Variants in CREM observed in about 807,000 individuals in gnomAD.
CREM encodes cAMP responsive element modulator.
In CREM, 13 loss-of-function variants were observed where a neutral mutation model predicts 37.3. The observed-to-expected ratio is 0.35, with a 90% confidence interval of 0.23 to 0.55. The LOEUF is 0.55. CREM is among the 20% of genes least tolerant of loss of function. The pLI is 0.88. For missense variants in CREM, 296 were observed against 362.3 expected, an observed-to-expected ratio of 0.82 and a Z score of 1.49; for synonymous variants, 124 against 120.2, an observed-to-expected ratio of 1.03 and a Z score of -0.21.
chr10:35,134,337 C>T (rs1366814250), intron 1 of CREM, among the ~76,000 whole-genome samples: 1 of 152,232 alleles, frequency 6.6e-6, no homozygotes, highest in Non-Finnish European at 1.5e-5. Flanking sequence ...CTGCCTCACC[C>T]TCCCAAGGAG....
At chr10:35,137,391 A>G (rs1030709302) in intron 1 of CREM, among the ~76,000 whole-genome samples, 10 of 152,326 alleles carry the variant, frequency 6.6e-5, no homozygotes, top group African/African-American at 2.2e-4. Flanking sequence ...CATTAATTTT[A>G]TTAAGTGATC....
intron 6 of CREM, among the ~76,000 whole-genome samples, chr10:35,205,279 C>T (rs763051390): frequency 1.4e-4 from 21 of 152,260 alleles, no homozygotes; most frequent in Admixed American, 6.5e-4. Flanking sequence ...AAATATTAAA[C>T]GCTGTATTTT....
chr10:35,139,948 A>G (rs2091203169), intron 2 of CREM, among the ~76,000 whole-genome samples: 2 of 152,290 alleles, frequency 1.3e-5, no homozygotes. Context: ...TGCTTGACCC[A>G]TGTTGAGCAC....
At position 35,131,567 on chromosome 10, in the gene CREM, A is replaced by G. The variant is rs147050156; in HGVS notation, c.-55+4374A>G. On this transcript the variant is annotated intron_variant, in intron 1 of 7. Coordinates refer to ENST00000685392, the MANE Select transcript of CREM (RefSeq NM_183011.2). ...AACTGTATCACACATAAAGACCCAC[A>G]TTACTGAATATGGGTGCTTGGAATG... Among the ~76,000 whole-genome samples the G allele has an allele frequency of 2.4e-3, 365 of 152,334 alleles. 1 individual carries two copies. Among genetic ancestry groups the G allele is most frequent in the South Asian group, 7.0e-3 (34 of 4,832 alleles).
chr10:35,165,918 C>A (rs924152194), intron 3 of CREM, among the ~76,000 whole-genome samples: 2 of 151,986 alleles, frequency 1.3e-5, no homozygotes, highest in Non-Finnish European at 2.9e-5. Context: ...ATTATTTAAA[C>A]CCTTCTGGAT....
chr10:35,194,901 CATT>C (rs113909710), intron 6 of CREM, among the ~76,000 whole-genome samples: 28,933 of 149,518 alleles, frequency 0.19, 2,827 homozygotes, highest in East Asian at 0.24. Flanking sequence ...CTAAAAGAGA[CATT>C]ATTATTATTA....
At chr10:35,184,684 A>G (rs1485748375) in intron 5 of CREM, among the ~76,000 whole-genome samples, 1 of 152,236 alleles carries the variant, frequency 6.6e-6, no homozygotes, top group Non-Finnish European at 1.5e-5. Context: ...CCCAGAAAAT[A>G]AAATGAGAAA....
chr10:35,144,594 C>T (rs2091848128), intron 2 of CREM, among the ~76,000 whole-genome samples: 1 of 151,826 alleles, frequency 6.6e-6, no homozygotes, highest in Admixed American at 6.6e-5. Flanking sequence ...GGGAAATGCC[C>T]CCAGAGAAAA....
chr10:35,161,761 A>G (rs1323913325), intron 3 of CREM, among the ~76,000 whole-genome samples: 1 of 152,208 alleles, frequency 6.6e-6, no homozygotes, highest in East Asian at 1.9e-4. Flanking sequence ...TATTATCAAA[A>G]TGACAAAAGA....
chr10:35,189,022 C>T (rs1334910972), intron 6 of CREM, among the ~76,000 whole-genome samples: 2 of 152,080 alleles, frequency 1.3e-5, no homozygotes, highest in Middle Eastern at 3.2e-3. Flanking sequence ...TTGGGGGTTG[C>T]AAATGTTGTA....
chr10:35,161,443 G>A (rs1004597549), intron 3 of CREM, among the ~76,000 whole-genome samples: 5 of 151,902 alleles, frequency 3.3e-5, no homozygotes, highest in South Asian at 2.1e-4. Flanking sequence ...GCAGTGAGCC[G>A]AGATGGTCCC....
intron 3 of CREM, among the ~76,000 whole-genome samples, chr10:35,157,899 G>A (rs933546899): frequency 1.4e-4 from 21 of 151,974 alleles, no homozygotes; most frequent in African/African-American, 4.8e-4. Context: ...TGAAGTTGCA[G>A]GATATGAAAT....
chr10:35,161,940 A>G (rs186616961), intron 3 of CREM, among the ~76,000 whole-genome samples: 93 of 152,330 alleles, frequency 6.1e-4, no homozygotes, highest in African/African-American at 2.1e-3. Context: ...TCCAAAGGAG[A>G]TGAAAGCAGT....
chr10:35,184,564 G>A (rs1373659452), intron 5 of CREM, among the ~76,000 whole-genome samples: 2 of 152,128 alleles, frequency 1.3e-5, no homozygotes, highest in African/African-American at 2.4e-5. Context: ...TGAGGCTGAC[G>A]TGCCTGACTT....
intron 6 of CREM, among the ~76,000 whole-genome samples, chr10:35,198,071 A>G (rs1004720388): frequency 2.0e-5 from 3 of 152,130 alleles, no homozygotes; most frequent in African/African-American, 7.2e-5. Flanking sequence ...TTAAAATGCT[A>G]TTCTTGACCC....
intron 3 of CREM, among the ~76,000 whole-genome samples, chr10:35,149,369 C>T (rs971474148): frequency 6.6e-6 from 1 of 152,088 alleles, no homozygotes; most frequent in South Asian, 2.1e-4. Context: ...TTAACTGGAG[C>T]CAGGTGTCTG....
chr10:35,148,730 C>T, intron 3 of CREM: 2 of 396,452 alleles, frequency 5.0e-6, no homozygotes, highest in Non-Finnish European at 9.1e-6. Context: ...AAAAACCCTT[C>T]CTGAATATGT....
chr10:35,185,350 A>C (rs112745252), intron 5 of CREM, among the ~76,000 whole-genome samples: 50,154 of 151,702 alleles, frequency 0.33, 8,383 homozygotes, highest in South Asian at 0.35. Flanking sequence ...GTGATCCACC[A>C]ACCTCGGCCT....
intron 1 of CREM, among the ~76,000 whole-genome samples, chr10:35,129,862 A>C (rs950830420): frequency 6.6e-6 from 1 of 152,180 alleles, no homozygotes; most frequent in South Asian, 2.1e-4. Flanking sequence ...TTATTATTGT[A>C]CATTGAATAC....
Sources: gnomAD v4.1 joint callset for allele counts (sites outside exome capture counted in the v4.1 genomes callset) on GRCh38, gnomAD v4.1.1 for gene constraint, MANE v1.5 for transcripts, NCBI Gene and HGNC (gene_info 2026-07-23, HGNC 2026-07-21) for gene names.